The following STARD9 variants were observed in gnomAD, a reference collection of about 807,000 sequenced individuals.
STARD9 encodes the protein stAR-related lipid transfer protein 9.
STARD9 carries 346 observed loss-of-function variants against 399.8 expected under a neutral mutation model. The observed-to-expected ratio is 0.87, with a 90% CI of 0.79 to 0.95. The LOEUF (loss-of-function observed/expected upper bound fraction) is 0.95, where lower values mean the gene tolerates loss of function less well. STARD9 is among the 40% of genes least tolerant of loss of function. STARD9 has a pLI of 0.00. For synonymous variants in STARD9, 2,203 were observed against 2,143.5 expected (o/e 1.03, Z -0.77); for missense variants, 5,832 against 5,667.5 (o/e 1.03, Z -0.93).
rs967895860 is a variant in STARD9, at chr15:42,663,288, C to T, written c.876C>T (p.Asn292=). The change falls in exon 12 of 33, where the codon AAC becomes AAT. Residue 292 remains asparagine, a synonymous_variant. Coordinates refer to ENST00000290607, the MANE Select transcript of STARD9 (RefSeq NM_020759.3). Reference sequence around the variant, plus strand: ...CTTTTTTCATCTTTTAAGCCCAGAACTCCCAAGTTTTCAGCAGCTGCCAGA... The same window carrying T: ...CTTTTTTCATCTTTTAAGCCCAGAATTCCCAAGTTTTCAGCAGCTGCCAGA... ...LGIVISTLAQ[N]SQVFSSCQSL... 1.3e-6 allele frequency: 2 copies of T among 1,531,962 alleles called. No homozygotes were observed. The highest frequency in any genetic ancestry group is 2.7e-5 in the African/African-American group (2 of 73,054). 94.9% of individuals were successfully genotyped at this position (1,531,962 alleles called of 1,614,324 possible). A position where few individuals can be genotyped will look rare whatever the true frequency, so the allele number is the denominator to read the frequency against.
chr15:42,607,756 A>G (rs973783871), intron 3 of STARD9, among the ~76,000 whole-genome samples: 1 of 151,748 alleles, frequency 6.6e-6, no homozygotes, highest in African/African-American at 2.4e-5. Context: ...CCTGCTTCCA[A>G]GTATTTATTT....
At chr15:42,711,288 C>T (rs1027495372) in intron 26 of STARD9, among the ~76,000 whole-genome samples, 7 of 152,006 alleles carry the variant, frequency 4.6e-5, no homozygotes, top group South Asian at 4.1e-4. Context: ...TACAGGCATC[C>T]GCCACCACGC....
intron 26 of STARD9, among the ~76,000 whole-genome samples, chr15:42,700,623 A>G (rs1410160012): frequency 1.3e-5 from 2 of 151,994 alleles, no homozygotes; most frequent in Admixed American, 1.3e-4. Flanking sequence ...TTAAAGTTGA[A>G]TTCTTTGGGA....
intron 7 of STARD9, among the ~76,000 whole-genome samples, chr15:42,641,019 T>C (rs2059525179): frequency 6.6e-6 from 1 of 152,056 alleles, no homozygotes; most frequent in South Asian, 2.1e-4. Context: ...AAGAGAAGAA[T>C]GGAACAGAAT....
rs549617746 is a variant in STARD9, at chr15:42,592,264, A to G, written c.234+6627A>G. ...CATCTGACTGCAAAGTTCATATTCA[A>G]CACTATGCTGCAGTACAAAAGGAAA... On this transcript the variant is annotated intron_variant, in intron 3 of 32. Transcript: ENST00000290607. Among the ~76,000 whole-genome samples the G allele has an allele frequency of 2.6e-5, 4 of 152,294 alleles. No homozygotes were observed. The East Asian group carries it at 7.7e-4, about 29-fold the overall frequency.
At position 42,682,366 on chromosome 15, in the gene STARD9, C is replaced by G. The variant is rs1235752972; in HGVS notation, c.2328C>G (p.Ile776Met). The change falls in exon 22 of 33, where the codon ATC becomes ATG. Residue 776 changes from isoleucine (I) to methionine (M), a missense_variant. By Grantham distance (10) the Ile-to-Met change is conservative. Coordinates refer to ENST00000290607, the MANE Select transcript of STARD9 (RefSeq NM_020759.3). Reference protein sequence around the residue: ...KKVSFQLERIIKKQRLLEAQK... With the variant: ...KKVSFQLERIMKKQRLLEAQK... ...TCTCATTCCAGCTAGAGAGAATCAT[C>G]AAAAAGCAGAGGCTGCTGGAGGCCC... is the stretch of plus-strand genomic sequence containing the variant. The G allele has an allele frequency of 1.3e-6, 2 of 1,537,130 alleles. No homozygotes were observed. The highest frequency in any genetic ancestry group is 1.7e-6 in the Non-Finnish European group (2 of 1,146,910).
chr15:42,587,357 G>A (rs10163179), intron 3 of STARD9, among the ~76,000 whole-genome samples: 202 of 152,076 alleles, frequency 1.3e-3, no homozygotes, highest in Non-Finnish European at 2.1e-3. Context: ...AAATAAGACC[G>A]TAGACCACTG....
chr15:42,684,308 G>A lies in STARD9; in HGVS notation c.2730G>A (p.Leu910=). 6.5e-7 allele frequency: 1 copy of A among 1,536,890 alleles called. No homozygotes were observed. ...AGCCCTGCACAGCCAGAGCAGCCTT[G>A]GCCAGGAAGGGAGCCTCAGCTCCAG... ...HGQPCTARAA[L]ARKGASAPDA... Residue 910 remains leucine, a synonymous_variant, in exon 23 of 33, where the codon TTG becomes TTA. Transcript: ENST00000290607.
In STARD9 at chr15:42,665,771, T is replaced by C; in HGVS notation, c.1255-15T>C. On this transcript the variant is annotated splice_polypyrimidine_tract_variant and intron_variant, in intron 14 of 32. Coordinates refer to ENST00000290607, the MANE Select transcript of STARD9 (RefSeq NM_020759.3). ...GACCAGGAAAATATCAAAGCACATC[T>C]CTATCTTTGTGCAGAGAAACTTCAG... is the stretch of plus-strand genomic sequence containing the variant. 1 of 1,536,346 alleles carries C rather than the reference T, an allele frequency of 6.5e-7. No homozygotes were observed. The highest frequency in any genetic ancestry group is 8.7e-7 in the Non-Finnish European group (1 of 1,146,074).
chr15:42,629,041 A>G (rs2059279740), intron 3 of STARD9, among the ~76,000 whole-genome samples: 1 of 151,990 alleles, frequency 6.6e-6, no homozygotes, highest in Non-Finnish European at 1.5e-5. Flanking sequence ...TTTCCCCAAG[A>G]CAGTCTCTTG....
Position 42,719,813 on chromosome 15 carries a change from G to A in STARD9, c.*239G>A, listed in dbSNP as rs969923389. The A allele has an allele frequency of 1.6e-5, 8 of 493,880 alleles. No homozygotes were observed. Among genetic ancestry groups the A allele is most frequent in the Middle Eastern group, 5.3e-4 (1 of 1,874 alleles). 30.6% of individuals were successfully genotyped at this position (493,880 alleles called of 1,614,324 possible). On this transcript the variant is annotated 3_prime_UTR_variant, in exon 33 of 33. Transcript: ENST00000290607. ...GAGCTCCTGGCCCAGACTATCCAGA[G>A]TGAATGCAGCTCCGCTCACCTTTTG...
rs371072614 is a variant in STARD9 at position 42,688,036 on chromosome 15, G to C, written c.6458G>C (p.Arg2153Thr). Residue 2153 changes from arginine to threonine, a missense_variant, in exon 23 of 33, where the codon AGG becomes ACG. By Grantham distance (71) the Arg-to-Thr change is moderately conservative (BLOSUM62 -1). Coordinates refer to ENST00000290607, the MANE Select transcript of STARD9 (RefSeq NM_020759.3). ...QVQKITPNPF[R>T]SREGVRESEP... is the part of the protein sequence containing the mutation. The stretch of plus-strand genomic sequence containing the variant: ...CAGAAAATCACCCCAAACCCCTTCA[G>C]GTCAAGGGAAGGTGTACGAGAGAGT... The C allele has an allele frequency of 3.9e-6, 6 of 1,537,374 alleles. No homozygotes were observed. Among genetic ancestry groups the C allele is most frequent in the Admixed American group, 2.0e-5 (1 of 50,984 alleles).
chr15:42,607,680 AC>A (rs1345266517), intron 3 of STARD9, among the ~76,000 whole-genome samples: 1 of 151,412 alleles, frequency 6.6e-6, no homozygotes, highest in African/African-American at 2.4e-5. Flanking sequence ...ACACACACAC[AC>A]ACACAAATAT....
At position 42,638,066 on chromosome 15, in the gene STARD9, C is replaced by A; in HGVS notation, c.425C>A (p.Ser142Tyr). The A allele has an allele frequency of 2.0e-6, 3 of 1,537,260 alleles. No homozygotes were observed. The highest frequency in any genetic ancestry group is 2.6e-6 in the Non-Finnish European group (3 of 1,146,944). Residue 142 changes from serine to tyrosine, a missense_variant, in exon 6 of 33, where the codon TCC (serine) becomes TAC (tyrosine). Ser to Tyr is a moderately radical substitution (Grantham distance 144, BLOSUM62 -2). Around this residue, in one of 2 missense-constraint regions of STARD9, gnomAD observed 5,828 missense variants for 5,651.1 expected, o/e 1.03. Coordinates refer to ENST00000290607, the MANE Select transcript of STARD9 (RefSeq NM_020759.3). ...GAGAAAGACTGTGCCTCACTGCCTT[C>A]CTCCTGTAGGATAAAAGTAAGGTAA... ...VREKDCASLPSSCRIKVSFLE... is the reference protein window; with the variant it reads ...VREKDCASLPYSCRIKVSFLE...
intron 26 of STARD9, among the ~76,000 whole-genome samples, chr15:42,709,514 G>T (rs537401095): frequency 2.6e-5 from 4 of 152,062 alleles, no homozygotes; most frequent in Non-Finnish European, 5.9e-5. Context: ...GTGAAACCCC[G>T]TCTCCACTAA....
intron 1 of STARD9, among the ~76,000 whole-genome samples, chr15:42,579,080 AATCT>A (rs2058116026): frequency 3.3e-5 from 5 of 152,184 alleles, no homozygotes; most frequent in Admixed American, 6.5e-5. Flanking sequence ...TGGATGCTTT[AATCT>A]TTCTATGAGG....
chr15:42,665,980 C>T lies in STARD9; in HGVS notation c.1317+132C>T, dbSNP rs530213278. ...CTCATTTAAATACAATGTTTGTTTC[C>T]TTTAAGCCTTGACCGGGGGATGTGT... On this transcript the variant is annotated intron_variant, in intron 15 of 32. Transcript: ENST00000290607. The T allele has an allele frequency of 1.2e-4, 91 of 759,656 alleles. No homozygotes were observed. In the East Asian group the frequency reaches 2.1e-3, roughly 18 times the overall value. The allele number at this position is 759,656 out of a possible 1,614,324, so 47.1% of individuals were successfully genotyped here. A position where few individuals can be genotyped will look rare whatever the true frequency, so the allele number is the denominator to read the frequency against.
chr15:42,693,744 A>C lies in STARD9; in HGVS notation c.12166A>C (p.Thr4056Pro), dbSNP rs1486350438. ...GREPSQWQSR[T>P]ENGGESSASP... ...GGAGCCAAGTCAGTGGCAGAGCAGG[A>C]CAGAAAATGGAGGTGAGAGTTCAGC... is the stretch of plus-strand genomic sequence containing the variant. The change falls in exon 23 of 33, where the codon ACA becomes CCA. Residue 4056 changes from threonine (T) to proline (P), a missense_variant. Coordinates refer to ENST00000290607, the MANE Select transcript of STARD9 (RefSeq NM_020759.3). The C allele has an allele frequency of 6.5e-7, 1 of 1,536,758 alleles. No individual in the cohort carries two copies. Among genetic ancestry groups the C allele is most frequent in the Admixed American group, 2.0e-5 (1 of 51,004 alleles).
chr15:42,678,616 A>G (rs74012616), intron 20 of STARD9, among the ~76,000 whole-genome samples: 2,318 of 152,272 alleles, frequency 0.015, 53 homozygotes, highest in African/African-American at 0.054. Context: ...TGCCACTGCA[A>G]TCTGCTGCAG....
Sources: allele counts gnomAD v4.1 joint callset (sites outside exome capture counted in the v4.1 genomes callset), GRCh38; gene constraint gnomAD v4.1.1; regional missense constraint gnomAD v4.1.1; transcripts MANE v1.5; gene names NCBI Gene and HGNC (gene_info 2026-07-23, HGNC 2026-07-21).